The following CSMD3 variants were observed in gnomAD, a reference collection of about 807,000 sequenced individuals.
CSMD3 encodes CUB and Sushi multiple domains 3, also known as CUB and sushi domain-containing protein 3.
Under a neutral mutation model 435.2 loss-of-function variants are expected in CSMD3, and 177 were observed. That is an observed-to-expected ratio of 0.41 (90% CI 0.36 to 0.46). The LOEUF is 0.46. Ranked by LOEUF, CSMD3 falls within the 20% of genes least tolerant of loss-of-function variation. The probability of loss-of-function intolerance (pLI) is 0.34; values close to 1 mark genes in which losing one functional copy is unlikely to be tolerated. For synonymous variants in CSMD3, 1,656 were observed against 1,520.5 expected (o/e 1.09, Z -2.07); for missense variants, 4,265 against 4,504.6 (o/e 0.95, Z 1.52).
At chr8:113,394,798 T>A (rs542161191) in intron 1 of CSMD3, among the ~76,000 whole-genome samples, 142 of 150,964 alleles carry the variant, frequency 9.4e-4, no homozygotes, top group African/African-American at 2.5e-3. Context: ...AAAGAAAATT[T>A]AAAAAAAAAA....
chr8:113,096,286 T>C (rs1045616973), intron 5 of CSMD3, among the ~76,000 whole-genome samples: 4 of 152,154 alleles, frequency 2.6e-5, no homozygotes, highest in Admixed American at 6.6e-5. Context: ...TTAGTTAACT[T>C]AAATTGTATT....
chr8:113,205,357 C>A (rs546007542), intron 3 of CSMD3, among the ~76,000 whole-genome samples: 1 of 152,198 alleles, frequency 6.6e-6, no homozygotes, highest in African/African-American at 2.4e-5. Context: ...AAAGCTTATC[C>A]CCATGATGCA....
At chr8:112,488,469 A>G (rs976643643) in intron 31 of CSMD3, among the ~76,000 whole-genome samples, 3 of 152,182 alleles carry the variant, frequency 2.0e-5, no homozygotes, top group Non-Finnish European at 4.4e-5. Context: ...TCTACACTAA[A>G]AAAATAAAGA....
intron 13 of CSMD3, among the ~76,000 whole-genome samples, chr8:112,754,863 T>C (rs925968973): frequency 1.3e-5 from 2 of 152,220 alleles, no homozygotes; most frequent in East Asian, 1.9e-4. Flanking sequence ...AAATTGATAC[T>C]GAACTCTATA....
Position 112,700,161 on chromosome 8 carries a change from G to A in CSMD3, c.1973-10111C>T, listed in dbSNP as rs566255974. On this transcript the variant is annotated intron_variant, in intron 13 of 70. Coordinates refer to ENST00000297405, the MANE Select transcript of CSMD3 (RefSeq NM_198123.2). ...TTGCAACTTGTTCTCAAATCATTCC[G>A]TAGTAGTTTTAAAACATGTCTGCAA... 1.5e-4 allele frequency among the ~76,000 whole-genome samples: 23 copies of A among 152,180 alleles called. No homozygotes were observed. In the East Asian group the frequency reaches 2.1e-3, roughly 14 times the overall value.
intron 12 of CSMD3, among the ~76,000 whole-genome samples, chr8:112,805,229 A>G (rs1266037795): frequency 6.6e-6 from 1 of 152,160 alleles, no homozygotes; most frequent in Non-Finnish European, 1.5e-5. Flanking sequence ...TCCCTGGAAT[A>G]AAAGGAATCT....
chr8:112,523,463 A>T (rs1161753445), intron 27 of CSMD3, among the ~76,000 whole-genome samples: 1 of 151,984 alleles, frequency 6.6e-6, no homozygotes, highest in Non-Finnish European at 1.5e-5. Flanking sequence ...ATGTGTCAGG[A>T]GACTTAGCAA....
intron 30 of CSMD3, among the ~76,000 whole-genome samples, chr8:112,500,354 A>G (rs1821820824): frequency 6.6e-6 from 1 of 152,188 alleles, no homozygotes; most frequent in Non-Finnish European, 1.5e-5. Flanking sequence ...ATCTAAGATA[A>G]AAAAGCTAAT....
chr8:112,627,234 T>C lies in CSMD3; in HGVS notation c.3715+9583A>G, dbSNP rs77690195. Among the ~76,000 whole-genome samples, 107 of 152,282 alleles carry C rather than the reference T, an allele frequency of 7.0e-4. 1 individual carries two copies. The highest frequency in any genetic ancestry group is 1.0e-3 in the South Asian group (5 of 4,824). On this transcript the variant is annotated intron_variant, in intron 22 of 70. Coordinates refer to ENST00000297405, the MANE Select transcript of CSMD3 (RefSeq NM_198123.2). Reference sequence around the variant, plus strand: ...CTACTTTGAGGTCTATTATAGTTTTTCTTTTTTTCCAGCATATTTTCCAAT... The same window carrying C: ...CTACTTTGAGGTCTATTATAGTTTTCCTTTTTTTCCAGCATATTTTCCAAT...
chr8:112,651,238 CGTT>C (rs1201360290), intron 18 of CSMD3, among the ~76,000 whole-genome samples: 1 of 151,838 alleles, frequency 6.6e-6, no homozygotes, highest in African/African-American at 2.4e-5. Flanking sequence ...CAAAATTAGT[CGTT>C]AACATTTTTA....
At position 112,920,946 on chromosome 8, in the gene CSMD3, T is replaced by C. The variant is rs573113619; in HGVS notation, c.1633+681A>G. Among the ~76,000 whole-genome samples, 12 of 145,166 alleles carry C rather than the reference T, an allele frequency of 8.3e-5. No individual in the cohort carries two copies. The South Asian group carries it at 2.2e-3, about 26-fold the overall frequency. ...ACACACACACACACACACACGCACA[T>C]ATACACATACTGGTATTTATATATA... On this transcript the variant is annotated intron_variant, in intron 10 of 70. Transcript: ENST00000297405.
intron 47 of CSMD3, among the ~76,000 whole-genome samples, chr8:112,318,153 A>G (rs1412384454): frequency 1.3e-5 from 2 of 151,962 alleles, no homozygotes; most frequent in African/African-American, 4.8e-5. Flanking sequence ...TATATCTGCC[A>G]CTTAGACCAC....
At chr8:112,524,433 TAGA>T (rs1824643086) in intron 27 of CSMD3, among the ~76,000 whole-genome samples, 1 of 152,004 alleles carries the variant, frequency 6.6e-6, no homozygotes, top group African/African-American at 2.4e-5. Flanking sequence ...TTTACATTAT[TAGA>T]AGATTTACCC....
intron 27 of CSMD3, among the ~76,000 whole-genome samples, chr8:112,535,528 A>T (rs1214398302): frequency 3.3e-5 from 5 of 151,964 alleles, no homozygotes; most frequent in African/African-American, 1.2e-4. Flanking sequence ...AAGAGGATAC[A>T]AACAAATGGA....
chr8:112,697,549 G>T (rs1209296857), intron 13 of CSMD3, among the ~76,000 whole-genome samples: 1 of 151,694 alleles, frequency 6.6e-6, no homozygotes, highest in African/African-American at 2.4e-5. Context: ...GAGAACACTT[G>T]GACACAGGAA....
intron 10 of CSMD3, among the ~76,000 whole-genome samples, chr8:112,860,606 G>A (rs2129885134): frequency 6.6e-6 from 1 of 151,558 alleles, no homozygotes; most frequent in African/African-American, 2.4e-5. Context: ...AGCCAGCAAT[G>A]AACTCATAAT....
chr8:113,259,011 T>C (rs2093405662), intron 3 of CSMD3, among the ~76,000 whole-genome samples: 1 of 152,124 alleles, frequency 6.6e-6, no homozygotes, highest in South Asian at 2.1e-4. Context: ...ATGCTGCCAT[T>C]TATTGAAAAA....
chr8:112,636,225 A>G lies in CSMD3; in HGVS notation c.3715+592T>C, dbSNP rs538857244. 5.3e-5 allele frequency among the ~76,000 whole-genome samples: 8 copies of G among 152,176 alleles called. No homozygotes were observed. In the South Asian group the frequency reaches 1.7e-3, roughly 32 times the overall value. On this transcript the variant is annotated intron_variant, in intron 22 of 70. Transcript: ENST00000297405. ...ACTTCACGCTTCCAACACTTTAATT[A>G]TAGTTATTTTTTATTTCACAACATG... is the stretch of plus-strand genomic sequence containing the variant.
intron 13 of CSMD3, among the ~76,000 whole-genome samples, chr8:112,792,848 T>C (rs929009192): frequency 1.3e-5 from 2 of 152,030 alleles, no homozygotes; most frequent in Non-Finnish European, 1.5e-5. Flanking sequence ...TTGGCCATAA[T>C]ATGTGGGTCT....
Sources: gnomAD v4.1 joint callset for allele counts (sites outside exome capture counted in the v4.1 genomes callset) on GRCh38, gnomAD v4.1.1 for gene constraint, MANE v1.5 for transcripts, NCBI Gene and HGNC (gene_info 2026-07-23, HGNC 2026-07-21) for gene names.